Variants in SLC5A4 observed in about 807,000 individuals in gnomAD.
The protein encoded by SLC5A4 is solute carrier family 5 member 4, also known as probable glucose sensor protein SLC5A4.
Under a neutral mutation model 70.3 loss-of-function variants are expected in SLC5A4, and 55 were observed. The ratio of observed to expected loss-of-function variants is 0.78; its 90% CI spans 0.63 to 0.98. SLC5A4 has a LOEUF of 0.98. Ranked by LOEUF, SLC5A4 falls within the 50% of genes least tolerant of loss-of-function variation. The pLI is 0.00. For missense variants in SLC5A4, 735 were observed against 839.2 expected (o/e 0.88, Z 1.53); for synonymous variants, 268 against 305.7 (o/e 0.88, Z 1.29).
At chr22:32,355,019 G>C in the SLC5A4 span, 4 of 152,042 alleles carry the variant, frequency 2.6e-5, no homozygotes, top group Non-Finnish European at 5.9e-5. Flanking sequence ...CTCTAAGCCA[G>C]TACTAACCAG....
At chr22:32,351,304 C>T in the SLC5A4 span, among the ~76,000 whole-genome samples, 1 of 152,142 alleles carries the variant, frequency 6.6e-6, no homozygotes, top group African/African-American at 2.4e-5. Context: ...TAACTACTTA[C>T]AACGAATTAA....
In SLC5A4 at chr22:32,239,625, A is replaced by T. The variant is rs1393997087; in HGVS notation, c.478-535T>A. On this transcript the variant is annotated intron_variant, in intron 5 of 14. Coordinates refer to ENST00000266086, the MANE Select transcript of SLC5A4 (RefSeq NM_014227.3). ...TATAAAATATATGTATAATATATAA[A>T]ATATATATAATATATATATTATATT... is the stretch of plus-strand genomic sequence containing the variant. 3.2e-5 allele frequency among the ~76,000 whole-genome samples: 4 copies of T among 123,674 alleles called. 1 individual carries two copies. Among genetic ancestry groups the T allele is most frequent in the African/African-American group, 1.2e-4 (4 of 34,084 alleles). The allele number at this position is 123,674 out of a possible 152,430, so 81.1% of individuals were successfully genotyped here. A position where few individuals can be genotyped will look rare whatever the true frequency, so the allele number is the denominator to read the frequency against.
At chr22:32,303,106 C>G in the SLC5A4 span, among the ~76,000 whole-genome samples, 116 of 152,164 alleles carry the variant, frequency 7.6e-4, 1 homozygote, top group East Asian at 0.017. Flanking sequence ...TGAGACAGAT[C>G]TCAATCAATT....
the SLC5A4 span, among the ~76,000 whole-genome samples, chr22:32,314,732 G>C: frequency 6.6e-6 from 1 of 152,174 alleles, no homozygotes. Flanking sequence ...TGGACTTACA[G>C]TTCCACATGG....
the SLC5A4 span, among the ~76,000 whole-genome samples, chr22:32,348,369 G>C: frequency 6.6e-6 from 1 of 152,210 alleles, no homozygotes; most frequent in African/African-American, 2.4e-5. Flanking sequence ...TCCTGGGTAG[G>C]TGAGGGCAGA....
the SLC5A4 span, chr22:32,272,985 A>G: frequency 1.8e-6 from 1 of 540,982 alleles, no homozygotes; most frequent in Non-Finnish European, 3.7e-6. Context: ...CTGCACGGGG[A>G]GCTGCTCAAC....
chr22:32,306,477 AC>A, the SLC5A4 span, among the ~76,000 whole-genome samples: 6,818 of 141,544 alleles, frequency 0.048, 282 homozygotes, highest in Admixed American at 0.14. Context: ...AAAAAAAAAA[AC>A]AAAAACTACT....
the SLC5A4 span, among the ~76,000 whole-genome samples, chr22:32,341,340 C>T: frequency 1.6e-4 from 25 of 152,268 alleles, no homozygotes; most frequent in South Asian, 3.3e-3. Flanking sequence ...GCAAGAAGGG[C>T]GGCCGTGAGG....
At chr22:32,259,412 TG>T (rs1220384413), upstream of SLC5A4, among the ~76,000 whole-genome samples, 1 of 152,246 alleles carries the variant, frequency 6.6e-6, no homozygotes, top group Non-Finnish European at 1.5e-5. Context: ...CCATGTTGAT[TG>T]TTTTTTATCC....
chr22:32,270,501 C>A, the SLC5A4 span: 2 of 734,538 alleles, frequency 2.7e-6, no homozygotes, highest in Non-Finnish European at 4.9e-6. Flanking sequence ...CCGAAGCGGA[C>A]AATGACCACC....
chr22:32,221,073 T>A, intron 13 of SLC5A4, 51 bp from the exon 14 acceptor site: 1 of 1,158,262 alleles, frequency 8.6e-7, no homozygotes, highest in East Asian at 2.3e-5. Context: ...ATGTTTGCAA[T>A]AGTATAATAG....
At chr22:32,223,546 C>G (rs1925208790) in intron 13 of SLC5A4, among the ~76,000 whole-genome samples, 1 of 151,992 alleles carries the variant, frequency 6.6e-6, no homozygotes, top group African/African-American at 2.4e-5. Context: ...CCCCTGGTAC[C>G]ATGTACTTTC....
At chr22:32,250,237 G>A (rs115810020) in intron 3 of SLC5A4, among the ~76,000 whole-genome samples, 9 of 152,204 alleles carry the variant, frequency 5.9e-5, no homozygotes, top group Non-Finnish European at 1.0e-4. Context: ...AGAGGTGGAG[G>A]CTGGGTGCAG....
chr22:32,294,553 T>G, the SLC5A4 span, among the ~76,000 whole-genome samples: 1 of 151,210 alleles, frequency 6.6e-6, no homozygotes, highest in Admixed American at 6.6e-5. Context: ...CACACCCACT[T>G]TCCTCCTGCC....
the SLC5A4 span, among the ~76,000 whole-genome samples, chr22:32,298,850 G>A: frequency 3.6e-5 from 4 of 111,586 alleles, no homozygotes; most frequent in Admixed American, 3.9e-4. Flanking sequence ...GGCAGGCCTG[G>A]TGGTGACAAA....
At chr22:32,314,606 A>C in the SLC5A4 span, among the ~76,000 whole-genome samples, 1 of 152,096 alleles carries the variant, frequency 6.6e-6, no homozygotes, top group African/African-American at 2.4e-5. Context: ...AAGGATGGGC[A>C]GATGATTTTT....
the SLC5A4 span, among the ~76,000 whole-genome samples, chr22:32,290,759 C>G: frequency 6.6e-6 from 1 of 152,100 alleles, no homozygotes; most frequent in South Asian, 2.1e-4. Context: ...AGGATGAATG[C>G]TGTGTCTTCA....
At chr22:32,279,973 C>A in the SLC5A4 span, among the ~76,000 whole-genome samples, 3 of 152,134 alleles carry the variant, frequency 2.0e-5, no homozygotes, top group Non-Finnish European at 2.9e-5. Flanking sequence ...CCATGCCCTG[C>A]GACCAAGTGC....
chr22:32,346,175 G>A, the SLC5A4 span, among the ~76,000 whole-genome samples: 1 of 152,104 alleles, frequency 6.6e-6, no homozygotes, highest in African/African-American at 2.4e-5. Flanking sequence ...CAGACCATAG[G>A]CAGCAATTTA....
Sources: gnomAD v4.1 joint callset for allele counts (sites outside exome capture counted in the v4.1 genomes callset) on GRCh38, gnomAD v4.1.1 for gene constraint, MANE v1.5 for transcripts, NCBI Gene and HGNC (gene_info 2026-07-23, HGNC 2026-07-21) for gene names.